The following KCNMA1 variants were observed in gnomAD, a reference collection of about 807,000 sequenced individuals.
The protein encoded by KCNMA1 is potassium calcium-activated channel subfamily M alpha 1, also known as Calcium-activated potassium channel subunit alpha-1.
KCNMA1 carries 29 observed loss-of-function variants against 140.0 expected under a neutral mutation model. The ratio of observed to expected loss-of-function variants is 0.21; its 90% CI spans 0.15 to 0.28. KCNMA1 has a LOEUF of 0.28. Ranked by LOEUF, KCNMA1 falls within the 10% of genes least tolerant of loss-of-function variation. KCNMA1 has a pLI of 1.00. For missense variants in KCNMA1, 880 were observed against 1,602.2 expected, an observed-to-expected ratio of 0.55 and a Z score of 7.70; for synonymous variants, 612 against 611.9, an observed-to-expected ratio of 1.00 and a Z score of 0.00.
chr10:77,472,397 GAC>G (rs1303490813), intron 1 of KCNMA1, among the ~76,000 whole-genome samples: 7 of 110,322 alleles, frequency 6.3e-5, no homozygotes, highest in South Asian at 5.8e-4. Flanking sequence ...AAACATCACA[GAC>G]ACAGACACAT....
At chr10:77,165,093 G>T (rs2098623945) in intron 5 of KCNMA1, among the ~76,000 whole-genome samples, 1 of 151,580 alleles carries the variant, frequency 6.6e-6, no homozygotes, top group Non-Finnish European at 1.5e-5. Context: ...CTTTTTTTTG[G>T]CCACTTGTCA....
chr10:77,582,432 T>C (rs933463999), intron 1 of KCNMA1, among the ~76,000 whole-genome samples: 1 of 152,234 alleles, frequency 6.6e-6, no homozygotes, highest in Non-Finnish European at 1.5e-5. Flanking sequence ...CTTAGGGACC[T>C]GAAGAAATGC....
intron 17 of KCNMA1, 47 bp downstream of exon 17, chr10:77,018,966 G>T: frequency 9.3e-7 from 1 of 1,072,056 alleles, no homozygotes; most frequent in Non-Finnish European, 1.5e-6. Context: ...GGGTCAAGGT[G>T]TCTACAGCCG....
rs570910331 is a variant in KCNMA1 at position 77,376,719 on chromosome 10, C to A, written c.540+27143G>T. 5 of 151,658 alleles carry A rather than the reference C, an allele frequency of 3.3e-5. No individual in the cohort carries two copies. The South Asian group carries it at 1.0e-3, about 32-fold the overall frequency. 9.4% of individuals were successfully genotyped at this position (151,658 alleles called of 1,614,324 possible). A position where few individuals can be genotyped will look rare whatever the true frequency, so the allele number is the denominator to read the frequency against. Reference sequence around the variant, plus strand: ...TTGGGAGGCCAAGGTGGGTGGATCACCTGAGGTCAGGTATTCAAGACCAGC... The same window carrying A: ...TTGGGAGGCCAAGGTGGGTGGATCAACTGAGGTCAGGTATTCAAGACCAGC... On this transcript the variant is annotated intron_variant, in intron 2 of 27. Coordinates refer to ENST00000286628, the MANE Select transcript of KCNMA1 (RefSeq NM_001161352.2).
At chr10:76,883,655 T>C (rs1023147459), downstream of KCNMA1, among the ~76,000 whole-genome samples, 1 of 151,932 alleles carries the variant, frequency 6.6e-6, no homozygotes, top group Non-Finnish European at 1.5e-5. Context: ...GATAACAGAG[T>C]TCCTAACTTT....
chr10:76,944,731 C>A (rs199741292), intron 23 of KCNMA1, 42 bp downstream of exon 23: 10 of 1,562,364 alleles, frequency 6.4e-6, no homozygotes, highest in Non-Finnish European at 7.9e-6. Flanking sequence ...CAGCCCCTGT[C>A]CCCTGCAGGC....
intron 2 of KCNMA1, among the ~76,000 whole-genome samples, chr10:77,301,164 G>A (rs1344008230): frequency 6.6e-6 from 1 of 152,110 alleles, no homozygotes; most frequent in Non-Finnish European, 1.5e-5. Context: ...TAAAGCAGAG[G>A]TTCTTCCTCA....
chr10:77,576,401 G>GA (rs1213664677), intron 1 of KCNMA1, among the ~76,000 whole-genome samples: 5 of 152,076 alleles, frequency 3.3e-5, no homozygotes, highest in African/African-American at 1.2e-4. Flanking sequence ...TTCTCCCTAC[G>GA]AAACAATCCC....
In KCNMA1 at chr10:77,436,390, G is replaced by T. The variant is rs529605789; in HGVS notation, c.379-32367C>A. ...CACTCTCCAAAAGCAACCCTTTGTC[G>T]TCTGAGCACCCCTAAAGACTTAAGT... On this transcript the variant is annotated intron_variant, in intron 1 of 27. Coordinates refer to ENST00000286628, the MANE Select transcript of KCNMA1 (RefSeq NM_001161352.2). 5.3e-5 allele frequency among the ~76,000 whole-genome samples: 8 copies of T among 152,178 alleles called. No homozygotes were observed. In the East Asian group the frequency reaches 1.5e-3, roughly 29 times the overall value.
intron 20 of KCNMA1, among the ~76,000 whole-genome samples, chr10:76,965,142 T>A (rs1272526113): frequency 6.6e-6 from 1 of 152,188 alleles, no homozygotes; most frequent in African/African-American, 2.4e-5. Flanking sequence ...TGAGGAAAGA[T>A]GTAGCTATCC....
chr10:77,014,495 T>C (rs2091584916), intron 17 of KCNMA1, among the ~76,000 whole-genome samples: 2 of 151,346 alleles, frequency 1.3e-5, no homozygotes, highest in Admixed American at 6.6e-5. Context: ...TTTTTAACTA[T>C]AGTCACCACA....
In KCNMA1 at chr10:76,887,358, G is replaced by A. The variant is rs1476399505; in HGVS notation, c.3619C>T (p.His1207Tyr). The A allele has an allele frequency of 6.2e-7, 1 of 1,614,100 alleles. No homozygotes were observed. The highest frequency in any genetic ancestry group is 1.7e-5 in the Admixed American group (1 of 60,022). ...QSSSKKSSSV[H>Y]SIPSTANRQN... ...CGGTTTGCTGTGGATGGGATGGAGT[G>A]AACAGAGGAGCTCTTCTTGCTGGAG... Residue 1207 changes from histidine to tyrosine, a missense_variant, in exon 28 of 28, where the codon CAC becomes TAC. Transcript: ENST00000286628.
intron 1 of KCNMA1, among the ~76,000 whole-genome samples, chr10:77,515,026 C>A (rs866330687): frequency 9.9e-5 from 15 of 152,198 alleles, no homozygotes; most frequent in Non-Finnish European, 2.9e-5. Context: ...CTCTCACCCG[C>A]TAGCTCTAGT....
chr10:77,105,201 G>C (rs1232141500), intron 9 of KCNMA1, among the ~76,000 whole-genome samples: 1 of 152,204 alleles, frequency 6.6e-6, no homozygotes, highest in Admixed American at 6.5e-5. Flanking sequence ...TATCCTTCAG[G>C]AGGTGATGAA....
intron 2 of KCNMA1, among the ~76,000 whole-genome samples, chr10:77,355,740 T>C (rs1020798711): frequency 2.0e-5 from 3 of 152,246 alleles, no homozygotes; most frequent in Non-Finnish European, 4.4e-5. Context: ...AGACAATACA[T>C]GCCCTTTATT....
chr10:77,259,411 G>T (rs1934101841), intron 2 of KCNMA1, among the ~76,000 whole-genome samples: 1 of 151,534 alleles, frequency 6.6e-6, no homozygotes, highest in Admixed American at 6.6e-5. Flanking sequence ...GTGTGCAATG[G>T]ACTGAATTCT....
At chr10:77,120,244 A>G (rs1239017309) in intron 6 of KCNMA1, among the ~76,000 whole-genome samples, 1 of 152,146 alleles carries the variant, frequency 6.6e-6, no homozygotes, top group Non-Finnish European at 1.5e-5. Context: ...TAGTTTATTC[A>G]TCAAGACAGC....
At chr10:77,063,284 G>A (rs1050588517) in intron 14 of KCNMA1, among the ~76,000 whole-genome samples, 33 of 151,954 alleles carry the variant, frequency 2.2e-4, no homozygotes, top group Non-Finnish European at 3.8e-4. Context: ...GTGGTGGCTC[G>A]TGCCTGCAGT....
intron 6 of KCNMA1, among the ~76,000 whole-genome samples, chr10:77,117,117 G>A (rs2097494079): frequency 6.6e-6 from 1 of 152,188 alleles, no homozygotes. Context: ...GCATATCATG[G>A]AATGCTATGT....
Sources: allele counts gnomAD v4.1 joint callset (sites outside exome capture counted in the v4.1 genomes callset), GRCh38; gene constraint gnomAD v4.1.1; transcripts MANE v1.5; gene names NCBI Gene and HGNC (gene_info 2026-07-23, HGNC 2026-07-21).